ADAMTSL1: variants seen among roughly 807,000 people sequenced by gnomAD.
ADAMTSL1 encodes ADAMTS-like protein 1.
ADAMTSL1 carries 126 observed loss-of-function variants against 201.8 expected under a neutral mutation model. That is an observed-to-expected ratio of 0.62 (90% CI 0.54 to 0.72). ADAMTSL1 has a LOEUF of 0.72. ADAMTSL1 is among the 30% of genes least tolerant of loss of function. The pLI is 0.00. For synonymous variants in ADAMTSL1, 1,121 were observed against 903.4 expected, an observed-to-expected ratio of 1.24 and a Z score of -4.32; for missense variants, 2,679 against 2,277.8, an observed-to-expected ratio of 1.18 and a Z score of -3.59.
intron 2 of ADAMTSL1, among the ~76,000 whole-genome samples, chr9:18,194,706 A>C (rs1029293869): frequency 1.3e-4 from 20 of 152,072 alleles, no homozygotes. Flanking sequence ...TATTTGTAGA[A>C]CCCCAGTGCT....
At chr9:18,607,759 G>A (rs1468031267) in intron 4 of ADAMTSL1, among the ~76,000 whole-genome samples, 1 of 150,508 alleles carries the variant, frequency 6.6e-6, no homozygotes, top group African/African-American at 2.5e-5. Flanking sequence ...CCCAGAGTGC[G>A]ATGTTCCCCT....
intron 1 of ADAMTSL1, among the ~76,000 whole-genome samples, chr9:17,962,226 G>A (rs1248076913): frequency 6.6e-6 from 1 of 152,064 alleles, no homozygotes; most frequent in Non-Finnish European, 1.5e-5. Flanking sequence ...CTACCTGAAG[G>A]GCTATAATGA....
chr9:17,960,421 C>T (rs1401425448), intron 1 of ADAMTSL1, among the ~76,000 whole-genome samples: 1 of 152,146 alleles, frequency 6.6e-6, no homozygotes, highest in African/African-American at 2.4e-5. Context: ...AGAAAGAATA[C>T]AAGGAATAAC....
chr9:18,399,327 A>ATATATATATATT lies in ADAMTSL1; in HGVS notation c.208-105500_208-105499insTATATATATTTA. On this transcript the variant is annotated intron_variant, in intron 2 of 29. Transcript: ENST00000680146. ...TATATATATATATATATATATATAT[A>ATATATATATATT]TAAAATTATTATTTTCTTTTTTTCT... Among the ~76,000 whole-genome samples, 2 of 113,072 alleles carry ATATATATATATT rather than the reference A, an allele frequency of 1.8e-5. 1 individual carries two copies. The highest frequency in any genetic ancestry group is 7.2e-5 in the African/African-American group (2 of 27,796). The allele number at this position is 113,072 out of a possible 152,430, so 74.2% of individuals were successfully genotyped here. A position where few individuals can be genotyped will look rare whatever the true frequency, so the allele number is the denominator to read the frequency against.
chr9:18,341,086 T>G lies in ADAMTSL1; in HGVS notation c.208-163743T>G, dbSNP rs986728099. Among the ~76,000 whole-genome samples the G allele has an allele frequency of 4.6e-5, 7 of 152,240 alleles. No individual in the cohort carries two copies. In the South Asian group the frequency reaches 1.5e-3, roughly 32 times the overall value. On this transcript the variant is annotated intron_variant, in intron 2 of 29. Transcript: ENST00000680146. ...GTTTGTTTCAGCATCGCAGCCTGGC[T>G]GATCTGTCAGGAACACAAAATTGAT...
At chr9:18,043,903 C>T (rs1821543833) in intron 1 of ADAMTSL1, among the ~76,000 whole-genome samples, 1 of 150,418 alleles carries the variant, frequency 6.6e-6, no homozygotes, top group African/African-American at 2.5e-5. Context: ...CCTCTTTCTT[C>T]ATTCCCCTTC....
intron 1 of ADAMTSL1, among the ~76,000 whole-genome samples, chr9:18,154,880 G>C (rs937439634): frequency 6.6e-6 from 1 of 151,936 alleles, no homozygotes; most frequent in Admixed American, 6.6e-5. Context: ...GTAAATATTT[G>C]AAATTCTTTA....
chr9:18,541,873 T>G (rs1449842259), intron 3 of ADAMTSL1, among the ~76,000 whole-genome samples: 1 of 152,230 alleles, frequency 6.6e-6, no homozygotes, highest in African/African-American at 2.4e-5. Flanking sequence ...ATTAAAAAGA[T>G]TAAGGTGGAT....
At chr9:18,488,428 T>C (rs1822105243) in intron 1 of ADAMTSL1, among the ~76,000 whole-genome samples, 1 of 152,206 alleles carries the variant, frequency 6.6e-6, no homozygotes, top group African/African-American at 2.4e-5. Flanking sequence ...TCAATGAGTA[T>C]AGACCTCTGT....
At chr9:18,034,008 A>G (rs575867070) in intron 1 of ADAMTSL1, among the ~76,000 whole-genome samples, 4 of 152,320 alleles carry the variant, frequency 2.6e-5, no homozygotes, top group Non-Finnish European at 4.4e-5. Flanking sequence ...GTAAGAGGGT[A>G]GAAATCAAAG....
intron 23 of ADAMTSL1, among the ~76,000 whole-genome samples, chr9:18,849,830 C>A (rs1292461173): frequency 6.6e-6 from 1 of 152,154 alleles, no homozygotes; most frequent in Non-Finnish European, 1.5e-5. Context: ...TTATTTATGG[C>A]TCCTGTTTAT....
Position 17,934,451 on chromosome 9 carries a change from T to G in ADAMTSL1, c.87+27529T>G, listed in dbSNP as rs571878762. ...CTTTCTCAACTTCCTGCTCTCTCTT[T>G]GGTGCACTCACTTGTTTAAGCCTTA... On this transcript the variant is annotated intron_variant, in intron 1 of 29. Coordinates refer to the ADAMTSL1 transcript ENST00000680146. 2.0e-5 allele frequency among the ~76,000 whole-genome samples: 3 copies of G among 152,310 alleles called. No homozygotes were observed. The South Asian group carries it at 6.2e-4, about 32-fold the overall frequency.
intron 20 of ADAMTSL1, among the ~76,000 whole-genome samples, chr9:18,803,281 A>G (rs1386942964): frequency 2.0e-5 from 3 of 152,168 alleles, no homozygotes; most frequent in African/African-American, 7.2e-5. Context: ...CTTGCTGGCT[A>G]TAATCTGAGT....
intron 20 of ADAMTSL1, among the ~76,000 whole-genome samples, chr9:18,798,464 G>A (rs1176229638): frequency 6.6e-6 from 1 of 152,154 alleles, no homozygotes; most frequent in Non-Finnish European, 1.5e-5. Flanking sequence ...CATGTAGCAG[G>A]CACTCAATAT....
chr9:18,824,980 G>C (rs1400046388), intron 21 of ADAMTSL1, among the ~76,000 whole-genome samples: 1 of 152,168 alleles, frequency 6.6e-6, no homozygotes, highest in Non-Finnish European at 1.5e-5. Flanking sequence ...ACAGGCATGA[G>C]CCATCACGCC....
chr9:18,737,128 G>T (rs746587566), intron 15 of ADAMTSL1, among the ~76,000 whole-genome samples: 40 of 152,046 alleles, frequency 2.6e-4, no homozygotes, highest in Non-Finnish European at 3.2e-4. Flanking sequence ...AGACCAGCCT[G>T]ACCAACATGG....
chr9:18,856,809 A>T (rs746201993), intron 23 of ADAMTSL1, among the ~76,000 whole-genome samples: 1 of 152,146 alleles, frequency 6.6e-6, no homozygotes, highest in East Asian at 1.9e-4. Context: ...AAATAAAACA[A>T]ACTTACTGCG....
intron 3 of ADAMTSL1, among the ~76,000 whole-genome samples, chr9:18,554,501 C>A (rs950694205): frequency 6.6e-6 from 1 of 151,728 alleles, no homozygotes; most frequent in Non-Finnish European, 1.5e-5. Flanking sequence ...AATGCGAATC[C>A]AAGACCACTT....
chr9:17,976,393 G>A (rs967813470), intron 1 of ADAMTSL1, among the ~76,000 whole-genome samples: 1 of 151,750 alleles, frequency 6.6e-6, no homozygotes, highest in East Asian at 1.9e-4. Flanking sequence ...GTCTTCTTCA[G>A]TTTTTTTAAA....
Sources: allele counts gnomAD v4.1 joint callset (sites outside exome capture counted in the v4.1 genomes callset), GRCh38; gene constraint gnomAD v4.1.1; transcripts MANE v1.5; gene names NCBI Gene and HGNC (gene_info 2026-07-23, HGNC 2026-07-21).